COL13A1: variants seen among roughly 807,000 people sequenced by gnomAD.
The protein encoded by COL13A1 is collagen type XIII alpha 1 chain, also known as collagen alpha-1(XIII) chain.
In COL13A1, 89 loss-of-function variants were observed where a neutral mutation model predicts 130.9. That is an observed-to-expected ratio of 0.68 (90% CI 0.57 to 0.81). The LOEUF is 0.81. COL13A1 is among the 30% of genes least tolerant of loss of function. The pLI is 0.00. For synonymous variants in COL13A1, 402 were observed against 341.6 expected, an observed-to-expected ratio of 1.18 and a Z score of -1.95; for missense variants, 879 against 934.6, an observed-to-expected ratio of 0.94 and a Z score of 0.78.
intron 37 of COL13A1, among the ~76,000 whole-genome samples, chr10:69,946,788 G>GT (rs1370646472): frequency 6.6e-6 from 1 of 151,142 alleles, no homozygotes; most frequent in Non-Finnish European, 1.5e-5. Context: ...GTGTTTTTTT[G>GT]TTTTTTGTTT....
At chr10:69,931,611 G>A (rs772696962) in intron 30 of COL13A1, among the ~76,000 whole-genome samples, 7 of 152,128 alleles carry the variant, frequency 4.6e-5, no homozygotes, top group South Asian at 4.1e-4. Context: ...TCACTCAACC[G>A]GCACAGGCAG....
intron 1 of COL13A1, among the ~76,000 whole-genome samples, chr10:69,805,312 G>A (rs1841260068): frequency 6.6e-6 from 1 of 152,120 alleles, no homozygotes. Flanking sequence ...ATGAATGGGG[G>A]TAAAAGTAGG....
chr10:69,923,467 G>A (rs2064944112), intron 23 of COL13A1, among the ~76,000 whole-genome samples: 4 of 152,214 alleles, frequency 2.6e-5, no homozygotes, highest in Admixed American at 2.6e-4. Context: ...ACATCATCTG[G>A]GGCAATACAC....
intron 10 of COL13A1, among the ~76,000 whole-genome samples, chr10:69,891,430 C>G (rs2061156242): frequency 2.0e-5 from 3 of 152,182 alleles, no homozygotes; most frequent in Admixed American, 2.0e-4. Context: ...AAATCCTTGA[C>G]ATGTCTGCAG....
At chr10:69,869,610 C>G (rs552906499) in intron 3 of COL13A1, among the ~76,000 whole-genome samples, 90 of 152,328 alleles carry the variant, frequency 5.9e-4, no homozygotes, top group Admixed American at 2.6e-3. Flanking sequence ...CAGCAGGAAC[C>G]ATTTAGGTGG....
intron 7 of COL13A1, among the ~76,000 whole-genome samples, chr10:69,883,947 C>A (rs1265799049): frequency 1.3e-5 from 2 of 152,106 alleles, no homozygotes; most frequent in Non-Finnish European, 2.9e-5. Flanking sequence ...GCTAGACTTG[C>A]AAGCTATTTT....
chr10:69,900,784 A>G (rs1168498342), intron 14 of COL13A1, among the ~76,000 whole-genome samples: 2 of 152,218 alleles, frequency 1.3e-5, no homozygotes, highest in African/African-American at 2.4e-5. Flanking sequence ...TGGAAAGAAT[A>G]GGGAGAGTCT....
chr10:69,937,482 T>C (rs1472174845), intron 33 of COL13A1, among the ~76,000 whole-genome samples, 153 bp from the exon 34 acceptor site: 8 of 152,156 alleles, frequency 5.3e-5, no homozygotes, highest in Admixed American at 1.3e-4. Context: ...GAGAGTAGGC[T>C]AAGAATTCAG....
chr10:69,900,166 G>A (rs1007891707), intron 14 of COL13A1, among the ~76,000 whole-genome samples: 3 of 152,062 alleles, frequency 2.0e-5, no homozygotes, highest in Admixed American at 1.3e-4. Flanking sequence ...AGGCTGTGCC[G>A]GACCCCATTC....
Position 69,875,244 on chromosome 10 carries a change from T to C in COL13A1, c.435+81T>C. Reference sequence around the variant, plus strand: ...GCCTGTCCTCTAAACCATGGCAATGTGCTGTCTATCCCAGGCCCAAGGAGG... The same window carrying C: ...GCCTGTCCTCTAAACCATGGCAATGCGCTGTCTATCCCAGGCCCAAGGAGG... On this transcript the variant is annotated intron_variant, in intron 5 of 40. Transcript: ENST00000645393. 5 of 1,565,852 alleles carry C rather than the reference T, an allele frequency of 3.2e-6. No individual in the cohort carries two copies. The Admixed American group carries it at 8.5e-5, about 27-fold the overall frequency.
At position 69,921,870 on chromosome 10, in the gene COL13A1, A is replaced by C. The variant is rs2064724171; in HGVS notation, c.1090-12A>C. 6.2e-7 allele frequency: 1 copy of C among 1,601,990 alleles called. No homozygotes were observed. The highest frequency in any genetic ancestry group is 1.1e-5 in the South Asian group (1 of 88,134). On this transcript the variant is annotated splice_polypyrimidine_tract_variant and intron_variant, in intron 21 of 40. Transcript: ENST00000645393. ...AGTTCCTAACCCCCACACTGTCTGC[A>C]TCTCCCTGCAGGGTGAGAAGGGGGC...
intron 17 of COL13A1, among the ~76,000 whole-genome samples, chr10:69,912,842 G>A (rs566358502): frequency 6.6e-6 from 1 of 152,308 alleles, no homozygotes; most frequent in East Asian, 1.9e-4. Context: ...CGCCAATTAA[G>A]AGGCCACTCC....
chr10:69,845,143 C>T (rs541286100), intron 2 of COL13A1, among the ~76,000 whole-genome samples: 2 of 152,148 alleles, frequency 1.3e-5, no homozygotes, highest in African/African-American at 4.8e-5. Flanking sequence ...ACTGTGCTTT[C>T]TTGCTGAGCC....
At chr10:69,929,907 A>G (rs1226154313) in intron 28 of COL13A1, 136 bp from the exon 29 acceptor site, 2 of 737,078 alleles carry the variant, frequency 2.7e-6, no homozygotes, top group Admixed American at 2.2e-5. Context: ...CATACCTCCC[A>G]GCAACACAGT....
At chr10:69,859,976 C>A (rs183617483) in intron 2 of COL13A1, among the ~76,000 whole-genome samples, 129 of 152,314 alleles carry the variant, frequency 8.5e-4, no homozygotes, top group Middle Eastern at 3.4e-3. Flanking sequence ...CCACAGAGTG[C>A]CCCCAGACAG....
chr10:69,930,204 G>A, intron 29 of COL13A1, 117 bp downstream of exon 29: 1 of 1,037,512 alleles, frequency 9.6e-7, no homozygotes, highest in Non-Finnish European at 1.3e-6. Context: ...GCAAGGGAAG[G>A]GGAGATGGGG....
intron 5 of COL13A1, chr10:69,877,699 TCACACACACACACACACACA>T (rs10532425): frequency 8.1e-5 from 7 of 86,792 alleles, no homozygotes; most frequent in Admixed American, 1.2e-4. Flanking sequence ...TCTCTCTCTC[TCACACACACACACACACACA>T]CACACACACA....
At chr10:69,809,646 C>T in intron 1 of COL13A1, among the ~76,000 whole-genome samples, 1 of 152,264 alleles carries the variant, frequency 6.6e-6, no homozygotes, top group East Asian at 1.9e-4. Context: ...CCATACCTCT[C>T]TAACTCTGCT....
chr10:69,814,775 T>C (rs527945536), intron 1 of COL13A1, among the ~76,000 whole-genome samples: 21 of 152,278 alleles, frequency 1.4e-4, no homozygotes, highest in African/African-American at 4.3e-4. Context: ...CTGCCTACAA[T>C]AGATTCTTCA....
Sources: allele counts gnomAD v4.1 joint callset (sites outside exome capture counted in the v4.1 genomes callset), GRCh38; gene constraint gnomAD v4.1.1; transcripts MANE v1.5; gene names NCBI Gene and HGNC (gene_info 2026-07-23, HGNC 2026-07-21).